Variants in NAALADL2 observed in about 807,000 individuals in gnomAD.
NAALADL2 encodes N-acetylated alpha-linked acidic dipeptidase like 2.
A neutral mutation model predicts 87.2 loss-of-function variants in NAALADL2; 76 were observed. The ratio of observed to expected loss-of-function variants is 0.87; its 90% CI spans 0.72 to 1.05. The LOEUF is 1.05. Among genes scored for constraint, NAALADL2 ranks in the 50% least tolerant of loss-of-function variants. The pLI, the probability that NAALADL2 is intolerant of heterozygous loss-of-function variation, is 0.00. For synonymous variants in NAALADL2, 354 were observed against 331.0 expected (o/e 1.07, Z -0.75); for missense variants, 1,089 against 945.8 (o/e 1.15, Z -1.99).
At chr3:174,634,599 T>A (rs1722452998) in intron 2 of NAALADL2, among the ~76,000 whole-genome samples, 1 of 152,172 alleles carries the variant, frequency 6.6e-6, no homozygotes, top group African/African-American at 2.4e-5. Context: ...CAGATCCCCA[T>A]CATGACCTTA....
chr3:174,776,597 AC>A (rs1715237729), intron 3 of NAALADL2, among the ~76,000 whole-genome samples: 1 of 152,138 alleles, frequency 6.6e-6, no homozygotes, highest in African/African-American at 2.4e-5. Flanking sequence ...CACTTAGAAA[AC>A]TACATATTCA....
chr3:175,762,191 G>GTTTTTTTTT (rs1748109812), intron 13 of NAALADL2, among the ~76,000 whole-genome samples: 2 of 12,476 alleles, frequency 1.6e-4, no homozygotes, highest in African/African-American at 8.5e-4. Flanking sequence ...TCTGTGTTTC[G>GTTTTTTTTT]ATTTTTTTTT....
chr3:175,173,211 G>C (rs758661520), intron 2 of NAALADL2, among the ~76,000 whole-genome samples: 23 of 152,124 alleles, frequency 1.5e-4, no homozygotes, highest in Non-Finnish European at 3.1e-4. Context: ...AGAATGGTGT[G>C]AACCCGGGAG....
At chr3:174,650,653 G>C (rs185635797) in intron 2 of NAALADL2, among the ~76,000 whole-genome samples, 1 of 152,064 alleles carries the variant, frequency 6.6e-6, no homozygotes, top group Admixed American at 6.6e-5. Context: ...TGAGAAATGA[G>C]TTTATGTTAT....
intron 1 of NAALADL2, among the ~76,000 whole-genome samples, chr3:174,960,373 T>C (rs751510532): frequency 1.6e-4 from 25 of 152,084 alleles, no homozygotes; most frequent in Non-Finnish European, 1.8e-4. Context: ...TTTCCAGTTT[T>C]CCTGGTATTA....
intron 2 of NAALADL2, among the ~76,000 whole-genome samples, chr3:174,682,860 T>G (rs936723857): frequency 2.6e-5 from 4 of 152,180 alleles, no homozygotes; most frequent in African/African-American, 9.7e-5. Flanking sequence ...TTGACACTAA[T>G]GAACATCCAC....
chr3:175,393,279 T>TAAAA, intron 5 of NAALADL2, among the ~76,000 whole-genome samples: 1 of 16,052 alleles, frequency 6.2e-5, no homozygotes, highest in African/African-American at 3.3e-4. Flanking sequence ...AGACTCCGTC[T>TAAAA]CAAAAAAAAA....
chr3:175,439,902 CTATT>C (rs1336664180), intron 5 of NAALADL2, among the ~76,000 whole-genome samples: 2 of 151,812 alleles, frequency 1.3e-5, no homozygotes, highest in Non-Finnish European at 2.9e-5. Context: ...TAAGTTCTAT[CTATT>C]TATCTTTGTT....
chr3:174,442,670 G>T (rs971053316), intron 1 of NAALADL2, among the ~76,000 whole-genome samples: 2 of 152,148 alleles, frequency 1.3e-5, no homozygotes, highest in Non-Finnish European at 2.9e-5. Flanking sequence ...CTGGAATAAA[G>T]CAAAGAAGAA....
At chr3:175,795,003 G>A (rs1753286604) in intron 13 of NAALADL2, among the ~76,000 whole-genome samples, 1 of 152,124 alleles carries the variant, frequency 6.6e-6, no homozygotes, top group Admixed American at 6.5e-5. Context: ...ACATGGTAGA[G>A]CGAGGAAGCT....
intron 1 of NAALADL2, among the ~76,000 whole-genome samples, chr3:174,959,554 C>A (rs923573855): frequency 6.6e-6 from 1 of 151,892 alleles, no homozygotes; most frequent in Non-Finnish European, 1.5e-5. Context: ...GGGAAAGATT[C>A]TAAAGTATGC....
chr3:174,549,004 C>T (rs573320745), intron 1 of NAALADL2, among the ~76,000 whole-genome samples: 1 of 152,242 alleles, frequency 6.6e-6, no homozygotes, highest in African/African-American at 2.4e-5. Context: ...CCATGCCCGG[C>T]TAATTTGTGT....
At chr3:175,049,864 G>T (rs186803861) in intron 1 of NAALADL2, among the ~76,000 whole-genome samples, 4 of 152,186 alleles carry the variant, frequency 2.6e-5, no homozygotes, top group Admixed American at 6.5e-5. Context: ...AATATGGACC[G>T]CAATTAAATA....
intron 9 of NAALADL2, among the ~76,000 whole-genome samples, chr3:175,545,408 C>T (rs1713122310): frequency 6.6e-6 from 1 of 152,056 alleles, no homozygotes; most frequent in Non-Finnish European, 1.5e-5. Context: ...AATACCACCA[C>T]TTACCATCTT....
intron 1 of NAALADL2, among the ~76,000 whole-genome samples, chr3:174,541,912 T>C: frequency 1.7e-5 from 1 of 57,484 alleles, no homozygotes; most frequent in East Asian, 3.7e-4. Flanking sequence ...GCATGTCCAT[T>C]GAAGCAGCAG....
At chr3:174,697,540 A>G (rs1729146275) in intron 2 of NAALADL2, among the ~76,000 whole-genome samples, 1 of 152,136 alleles carries the variant, frequency 6.6e-6, no homozygotes, top group Non-Finnish European at 1.5e-5. Flanking sequence ...ATACAAGGGT[A>G]TGTTGAAGCT....
Position 175,324,294 on chromosome 3 carries a change from A to G in NAALADL2, c.1059A>G (p.Gly353=). The G allele has an allele frequency of 6.2e-7, 1 of 1,613,352 alleles. No homozygotes were observed. ...DTFMVSLNPG[G]DPSTPGYPSV... ...TCATGGTGTCACTGAATCCAGGAGG[A>G]GACCCTTCTACGCCTGGTTACCCAA... Residue 353 remains glycine (G), a synonymous_variant, in exon 5 of 14, where the codon GGA becomes GGG. Transcript: ENST00000454872.
At chr3:175,769,505 A>G (rs900904350) in intron 13 of NAALADL2, among the ~76,000 whole-genome samples, 2 of 152,220 alleles carry the variant, frequency 1.3e-5, no homozygotes, top group Non-Finnish European at 2.9e-5. Context: ...ATATCTCATT[A>G]TAGGTAGATT....
chr3:175,189,907 TC>T (rs1347380545), intron 2 of NAALADL2, among the ~76,000 whole-genome samples: 1 of 151,982 alleles, frequency 6.6e-6, no homozygotes, highest in Non-Finnish European at 1.5e-5. Flanking sequence ...AAATAGACAG[TC>T]CAGAAATAAA....
Sources: allele counts gnomAD v4.1 joint callset (sites outside exome capture counted in the v4.1 genomes callset), GRCh38; gene constraint gnomAD v4.1.1; transcripts MANE v1.5; gene names NCBI Gene and HGNC (gene_info 2026-07-23, HGNC 2026-07-21).